Variants in CASK observed in about 807,000 individuals in gnomAD.
CASK encodes peripheral plasma membrane protein CASK.
CASK carries 4 observed loss-of-function variants against 82.9 expected under a neutral mutation model. The ratio of observed to expected loss-of-function variants is 0.05; its 90% CI spans 0.02 to 0.11. The LOEUF (loss-of-function observed/expected upper bound fraction) is 0.11, where lower values mean the gene tolerates loss of function less well. Among genes scored for constraint, CASK ranks in the 10% least tolerant of loss-of-function variants. The probability of loss-of-function intolerance (pLI) is 1.00; values close to 1 mark genes in which losing one functional copy is unlikely to be tolerated. For missense variants in CASK, 358 were observed against 720.9 expected (o/e 0.50, Z 5.76); for synonymous variants, 259 against 253.5 (o/e 1.02, Z -0.20).
At chrX:41,888,744 T>C (rs2072099863) in intron 1 of CASK, among the ~76,000 whole-genome samples, 1 of 99,141 alleles carries the variant, frequency 1.0e-5, no homozygotes, top group South Asian at 4.2e-4. Flanking sequence ...TATATATACA[T>C]ATATATGTAT....
At chrX:41,877,370 C>T (rs1186062727) in intron 1 of CASK, among the ~76,000 whole-genome samples, 3 of 111,669 alleles carry the variant, frequency 2.7e-5, no homozygotes, top group Non-Finnish European at 3.8e-5. Flanking sequence ...TTAGTATTAA[C>T]AGTCGGGAGC....
chrX:41,541,405 A>T (rs993110964), intron 22 of CASK, among the ~76,000 whole-genome samples: 12 of 111,967 alleles, frequency 1.1e-4, no homozygotes, highest in Admixed American at 2.8e-4. Context: ...TTTGCTTAAC[A>T]GTTGCTACAT....
At chrX:41,655,843 G>T (rs1019863861) in intron 8 of CASK, among the ~76,000 whole-genome samples, 3 of 111,910 alleles carry the variant, frequency 2.7e-5, no homozygotes, top group African/African-American at 9.7e-5. Context: ...ATTGCATTCT[G>T]AAGAAATGAA....
chrX:41,860,318 T>C lies in CASK; in HGVS notation c.60-7091A>G, dbSNP rs909820929. On this transcript the variant is annotated intron_variant, in intron 1 of 26. Coordinates refer to ENST00000378163, the MANE Select transcript of CASK (RefSeq NM_001367721.1). Reference sequence around the variant, plus strand: ...AGAATTGAGGGACATAGATGGTGGGTAGGCAAAAAGGAAACAAAGCTAAAA... The same window carrying C: ...AGAATTGAGGGACATAGATGGTGGGCAGGCAAAAAGGAAACAAAGCTAAAA... Among the ~76,000 whole-genome samples the C allele has an allele frequency of 2.7e-5, 3 of 111,110 alleles. No homozygotes were observed. In the East Asian group the frequency reaches 8.4e-4, roughly 31 times the overall value.
intron 5 of CASK, among the ~76,000 whole-genome samples, chrX:41,674,318 G>A (rs1333019025): frequency 9.0e-6 from 1 of 111,203 alleles, no homozygotes; most frequent in African/African-American, 3.3e-5. Flanking sequence ...AATGGTTGGT[G>A]ACAAGACAGA....
In CASK at chrX:41,853,230, A is replaced by G; in HGVS notation, c.60-3T>C. The G allele has an allele frequency of 1.8e-6, 2 of 1,133,022 alleles. No individual in the cohort carries two copies. The highest frequency in any genetic ancestry group is 2.4e-6 in the Non-Finnish European group (2 of 826,010). 93.4% of individuals were successfully genotyped at this position (1,133,022 alleles called of 1,213,427 possible). On this transcript the variant is annotated splice_region_variant and splice_polypyrimidine_tract_variant and intron_variant, in intron 1 of 26. Transcript: ENST00000378163. Reference sequence around the variant, plus strand: ...GTCGTACAACACTGAAGGGACCCCTATAAAACAAAAAGTCAATTTTAATTC... The same window carrying G: ...GTCGTACAACACTGAAGGGACCCCTGTAAAACAAAAAGTCAATTTTAATTC...
chrX:41,564,189 A>T (rs2065275433), intron 16 of CASK, among the ~76,000 whole-genome samples: 1 of 112,294 alleles, frequency 8.9e-6, no homozygotes, highest in Admixed American at 9.5e-5. Context: ...GGAAAAAAAC[A>T]AATGATCATC....
At chrX:41,695,903 A>T in intron 5 of CASK, 3 of 1,209,700 alleles carry the variant, frequency 2.5e-6, no homozygotes, top group Non-Finnish European at 3.4e-6. Flanking sequence ...ATTCCATTCA[A>T]ATTTATCTAC....
intron 2 of CASK, among the ~76,000 whole-genome samples, chrX:41,847,083 G>A (rs113415948): frequency 0.16 from 17,989 of 110,921 alleles, 1,409 homozygotes; most frequent in Middle Eastern, 0.3. Context: ...ACTTGATTAT[G>A]GTTTGTTTTT....
intron 8 of CASK, among the ~76,000 whole-genome samples, chrX:41,656,217 T>A (rs1356342408): frequency 1.8e-5 from 2 of 111,812 alleles, no homozygotes; most frequent in African/African-American, 6.5e-5. Context: ...AAAATGCCAA[T>A]AAGAACTGTT....
At chrX:41,612,724 G>A (rs1456258140) in intron 11 of CASK, among the ~76,000 whole-genome samples, 2 of 78,723 alleles carry the variant, frequency 2.5e-5, no homozygotes, top group South Asian at 7.3e-4. Context: ...CTCCCCGCCC[G>A]GCCAGCCACC....
At chrX:41,547,746 C>T (rs1444767220) in intron 21 of CASK, among the ~76,000 whole-genome samples, 1 of 110,129 alleles carries the variant, frequency 9.1e-6, no homozygotes, top group East Asian at 2.8e-4. Flanking sequence ...CCTCAGCCTC[C>T]CAAGTAGCTG....
At chrX:41,786,420 A>G (rs1308870032) in intron 3 of CASK, among the ~76,000 whole-genome samples, 3 of 103,497 alleles carry the variant, frequency 2.9e-5, no homozygotes, top group Non-Finnish European at 3.9e-5. Context: ...AAAAAAATAG[A>G]GATAGGTTTT....
In CASK at chrX:41,665,594, A is replaced by G. The variant is rs555699459; in HGVS notation, c.533-142T>C. 21 of 492,899 alleles carry G rather than the reference A, an allele frequency of 4.3e-5. No homozygotes were observed. In the South Asian group the frequency reaches 6.5e-4, roughly 15 times the overall value. 40.6% of individuals were successfully genotyped at this position (492,899 alleles called of 1,213,427 possible). A position where few individuals can be genotyped will look rare whatever the true frequency, so the allele number is the denominator to read the frequency against. ...TCACCACTCCTCCACCTCTCCATAA[A>G]ATCAAGTTCACATAGGTGAAAAAAA... On this transcript the variant is annotated intron_variant, in intron 6 of 26. Coordinates refer to ENST00000378163, the MANE Select transcript of CASK (RefSeq NM_001367721.1).
At chrX:41,577,758 A>C (rs2065504052) in intron 15 of CASK, among the ~76,000 whole-genome samples, 1 of 111,597 alleles carries the variant, frequency 9.0e-6, no homozygotes, top group Non-Finnish European at 1.9e-5. Context: ...GTCTACGAGA[A>C]TTCTATGAGA....
At chrX:41,828,884 A>T (rs1312832253) in intron 2 of CASK, among the ~76,000 whole-genome samples, 1 of 112,499 alleles carries the variant, frequency 8.9e-6, no homozygotes, top group Admixed American at 9.4e-5. Flanking sequence ...TTTAGCATTT[A>T]CTACTGAGGA....
At chrX:41,862,426 G>A (rs756434410) in intron 1 of CASK, among the ~76,000 whole-genome samples, 1 of 108,615 alleles carries the variant, frequency 9.2e-6, no homozygotes, top group Non-Finnish European at 1.9e-5. Context: ...CTGTAATCCC[G>A]GCTACTTGGG....
chrX:41,876,052 A>G (rs1476478407), intron 1 of CASK, among the ~76,000 whole-genome samples: 1 of 111,723 alleles, frequency 9.0e-6, no homozygotes, highest in East Asian at 2.8e-4. Flanking sequence ...TAGAAGCATA[A>G]AAGGATTATC....
Position 41,749,542 on chromosome X carries a change from T to C in CASK, c.279-3941A>G, listed in dbSNP as rs865775752. ...CTGGGACTACACGTGCTTGCCACCA[T>C]GCCCAGCTAATTTTTGTATTTTTTT... On this transcript the variant is annotated intron_variant, in intron 3 of 26. Transcript: ENST00000378163. 6.6e-5 allele frequency among the ~76,000 whole-genome samples: 7 copies of C among 105,337 alleles called. No individual in the cohort carries two copies. In the South Asian group the frequency reaches 2.3e-3, roughly 34 times the overall value. The allele number at this position is 105,337 out of a possible 115,157, so 91.5% of individuals were successfully genotyped here.
Sources: allele counts gnomAD v4.1 joint callset (sites outside exome capture counted in the v4.1 genomes callset), GRCh38; gene constraint gnomAD v4.1.1; transcripts MANE v1.5; gene names NCBI Gene and HGNC (gene_info 2026-07-23, HGNC 2026-07-21).